Variants in GLRA2 observed in about 807,000 individuals in gnomAD.
GLRA2 encodes glycine receptor subunit alpha-2.
Under a neutral mutation model 31.6 loss-of-function variants are expected in GLRA2, and 11 were observed. The observed-to-expected ratio is 0.35, with a 90% confidence interval of 0.22 to 0.58. The LOEUF (loss-of-function observed/expected upper bound fraction) is 0.58. Ranked by LOEUF, GLRA2 falls within the 20% of genes least tolerant of loss-of-function variation. GLRA2 has a pLI of 0.84. For missense variants in GLRA2, 212 were observed against 351.8 expected, an observed-to-expected ratio of 0.60 and a Z score of 3.18; for synonymous variants, 132 against 134.0, an observed-to-expected ratio of 0.99 and a Z score of 0.10.
At chrX:14,687,392 A>G (rs2091290830) in intron 7 of GLRA2, among the ~76,000 whole-genome samples, 1 of 112,143 alleles carries the variant, frequency 8.9e-6, no homozygotes, top group Non-Finnish European at 1.9e-5. Flanking sequence ...AATATCCTGA[A>G]GAGTGTTTTC....
intron 7 of GLRA2, among the ~76,000 whole-genome samples, chrX:14,676,222 AT>A (rs779883752): frequency 8.9e-6 from 1 of 112,895 alleles, no homozygotes; most frequent in South Asian, 3.6e-4. Flanking sequence ...ATAATTAAAC[AT>A]TTTTATTTGT....
rs770187833 is a variant in GLRA2, at chrX:14,627,873, C to G, written c.930+18668C>G. ...TTTGTAATTGGCTCATATGGAAGAC[C>G]GTTTCGTTTTACAATGAACTTTGTT... On this transcript the variant is annotated intron_variant, in intron 7 of 8. Transcript: ENST00000218075. Among the ~76,000 whole-genome samples the G allele has an allele frequency of 1.8e-5, 2 of 111,759 alleles. 1 individual carries two copies. Among genetic ancestry groups the G allele is most frequent in the Admixed American group, 1.9e-4 (2 of 10,507 alleles).
At chrX:14,587,385 CCTGAA>C (rs1244920975) in intron 4 of GLRA2, among the ~76,000 whole-genome samples, 1 of 111,978 alleles carries the variant, frequency 8.9e-6, no homozygotes, top group Admixed American at 9.5e-5. Flanking sequence ...TTCCACAGTG[CCTGAA>C]CTGATTTACA....
chrX:14,587,693 T>C (rs2090095286), intron 4 of GLRA2, among the ~76,000 whole-genome samples: 1 of 111,969 alleles, frequency 8.9e-6, no homozygotes, highest in Non-Finnish European at 1.9e-5. Flanking sequence ...TATTAGGCTT[T>C]TATCAGATGC....
At chrX:14,477,035 C>T in the GLRA2 span, among the ~76,000 whole-genome samples, 1 of 111,488 alleles carries the variant, frequency 9.0e-6, no homozygotes, top group Non-Finnish European at 1.9e-5. Context: ...TACTGAGGAC[C>T]CTGCATTCTG....
At chrX:14,498,940 G>A in the GLRA2 span, among the ~76,000 whole-genome samples, 4 of 111,899 alleles carry the variant, frequency 3.6e-5, no homozygotes, top group Admixed American at 9.5e-5. Flanking sequence ...CAAATCACAG[G>A]ATTTCATGCT....
intron 7 of GLRA2, among the ~76,000 whole-genome samples, chrX:14,671,362 C>T (rs185344078): frequency 9.0e-6 from 1 of 111,609 alleles, no homozygotes; most frequent in East Asian, 2.8e-4. Flanking sequence ...CATTTGGATG[C>T]AGTTTATTTG....
At chrX:14,681,329 A>G (rs2091199099) in intron 7 of GLRA2, among the ~76,000 whole-genome samples, 1 of 111,809 alleles carries the variant, frequency 8.9e-6, no homozygotes, top group Non-Finnish European at 1.9e-5. Context: ...AAATAGCTAG[A>G]TATTTCCTTC....
intron 8 of GLRA2, among the ~76,000 whole-genome samples, chrX:14,721,512 C>T (rs12863165): frequency 0.026 from 2,931 of 111,118 alleles, 81 homozygotes; most frequent in East Asian, 0.12. Flanking sequence ...CCTTAATATT[C>T]GTAGAAGCTT....
rs1278685475 is a variant in GLRA2, at chrX:14,731,531, T to TGTCA, written c.*1051_*1054dup. The TGTCA allele has an allele frequency of 6.3e-5, 7 of 111,894 alleles. No individual in the cohort carries two copies. The highest frequency in any genetic ancestry group is 2.0e-4 in the African/African-American group (6 of 30,679). 9.2% of individuals were successfully genotyped at this position (111,894 alleles called of 1,213,427 possible). On this transcript the variant is annotated 3_prime_UTR_variant, in exon 9 of 9. Transcript: ENST00000218075. ...ATGTCAACTGACCCATGATTTCTAC[T>TGTCA]GTCAGTCAATATAAGTGAACATTGT...
At chrX:14,607,773 G>C (rs1361077646) in intron 6 of GLRA2, among the ~76,000 whole-genome samples, 2 of 111,204 alleles carry the variant, frequency 1.8e-5, no homozygotes, top group Admixed American at 9.6e-5. Flanking sequence ...AAGTTTGGAT[G>C]AAAGTCAGCT....
chrX:14,700,214 T>C (rs757154260), intron 8 of GLRA2, among the ~76,000 whole-genome samples: 3 of 111,043 alleles, frequency 2.7e-5, no homozygotes, highest in Admixed American at 1.9e-4. Context: ...GTCATTAGGA[T>C]ATAGATGGAG....
intron 6 of GLRA2, 118 bp from the exon 7 acceptor site, chrX:14,608,873 C>T: frequency 4.4e-6 from 2 of 454,330 alleles, no homozygotes; most frequent in East Asian, 3.6e-5. Context: ...ACATTTTGTG[C>T]AATCTTCCAA....
the GLRA2 span, among the ~76,000 whole-genome samples, chrX:14,514,019 A>G: frequency 2.7e-5 from 3 of 112,479 alleles, no homozygotes; most frequent in Non-Finnish European, 5.6e-5. Flanking sequence ...AGCTGCTCAA[A>G]TGCCCATCAG....
chrX:14,552,299 G>A (rs1431083229), intron 2 of GLRA2, among the ~76,000 whole-genome samples: 1 of 112,331 alleles, frequency 8.9e-6, no homozygotes, highest in Admixed American at 9.4e-5. Context: ...GTAAGGAAGA[G>A]GTGGAAAATG....
Position 14,731,002 on chromosome X carries a change from C to T in GLRA2, c.*517C>T, listed in dbSNP as rs2091988140. 1 of 110,281 alleles carries T rather than the reference C, an allele frequency of 9.1e-6. No individual in the cohort carries two copies. Among genetic ancestry groups the T allele is most frequent in the Non-Finnish European group, 1.9e-5 (1 of 53,433 alleles). 9.1% of individuals were successfully genotyped at this position (110,281 alleles called of 1,213,427 possible). On this transcript the variant is annotated 3_prime_UTR_variant, in exon 9 of 9. Transcript: ENST00000218075. ...CCATAGTGACTAGCCTATAGTGAGT[C>T]GAGGACCAAACTTTTTCAGGAAAAT...
rs7061845 is a variant in GLRA2, at chrX:14,693,791, T to G, written c.1080+2932T>G. ...CAATGGTACAAAGATAACTAGAACA[T>G]CTCTATAAATTGGGAAATAACCAAA... On this transcript the variant is annotated intron_variant, in intron 8 of 8. Coordinates refer to ENST00000218075, the MANE Select transcript of GLRA2 (RefSeq NM_002063.4). Among the ~76,000 whole-genome samples, 950 of 111,667 alleles carry G rather than the reference T, an allele frequency of 8.5e-3. 9 individuals carry two copies. The highest frequency in any genetic ancestry group is 0.028 in the African/African-American group (876 of 30,849).
intron 7 of GLRA2, among the ~76,000 whole-genome samples, chrX:14,670,926 T>G (rs2091086098): frequency 8.9e-6 from 1 of 111,858 alleles, no homozygotes. Flanking sequence ...TAAGGTGCTC[T>G]CATTATCTGA....
At chrX:14,639,203 T>C (rs896773696) in intron 7 of GLRA2, among the ~76,000 whole-genome samples, 1 of 111,650 alleles carries the variant, frequency 9.0e-6, no homozygotes, top group Non-Finnish European at 1.9e-5. Flanking sequence ...AAATTCCTGC[T>C]AATCTTCCTC....
Sources: gnomAD v4.1 joint callset for allele counts (sites outside exome capture counted in the v4.1 genomes callset) on GRCh38, gnomAD v4.1.1 for gene constraint, MANE v1.5 for transcripts, NCBI Gene and HGNC (gene_info 2026-07-23, HGNC 2026-07-21) for gene names.